SRCAP: variants seen among roughly 807,000 people sequenced by gnomAD.
SRCAP encodes the protein Snf2 related CREBBP activator protein.
SRCAP carries 46 observed loss-of-function variants against 263.1 expected under a neutral mutation model. The ratio of observed to expected loss-of-function variants is 0.17; its 90% CI spans 0.14 to 0.22. SRCAP has a LOEUF of 0.22. Ranked by LOEUF, SRCAP falls within the 10% of genes least tolerant of loss-of-function variation. The pLI is 1.00. For missense variants in SRCAP, 3,695 were observed against 4,181.9 expected, an observed-to-expected ratio of 0.88 and a Z score of 3.21; for synonymous variants, 1,813 against 1,662.1, an observed-to-expected ratio of 1.09 and a Z score of -2.21.
Position 30,739,871 on chromosome 16 carries a change from A to G in SRCAP, c.*138A>G, listed in dbSNP as rs1414474911. The G allele has an allele frequency of 3.8e-6, 5 of 1,318,582 alleles. No individual in the cohort carries two copies. Among genetic ancestry groups the G allele is most frequent in the Non-Finnish European group, 5.0e-6 (5 of 1,007,742 alleles). 81.7% of individuals were successfully genotyped at this position (1,318,582 alleles called of 1,614,324 possible). ...AGGGGCCTTCTCCCTTCTTCCCACC[A>G]AAGTAGGGGGTAGGCAACTGGTTGT... On this transcript the variant is annotated 3_prime_UTR_variant, in exon 34 of 34. Coordinates refer to ENST00000262518, the MANE Select transcript of SRCAP (RefSeq NM_006662.3).
In SRCAP at chr16:30,724,348, T is replaced by G; in HGVS notation, c.4924T>G (p.Leu1642Val). The G allele has an allele frequency of 6.2e-7, 1 of 1,614,174 alleles. No homozygotes were observed. Among genetic ancestry groups the G allele is most frequent in the East Asian group, 2.2e-5 (1 of 44,882 alleles). ...TCCATCGTCTACTCCAGGAACCTCT[T>G]TAGCCTCAGCTTCACCGGTACCAGC... Reference protein sequence around the residue: ...MAPSSTPGTSLASASPVPAPT... With the variant: ...MAPSSTPGTSVASASPVPAPT... Residue 1642 changes from leucine (L) to valine (V), a missense_variant, in exon 25 of 34, where the codon TTA becomes GTA. Physicochemically the swap from Leu to Val is conservative, Grantham distance 32. Coordinates refer to ENST00000262518, the MANE Select transcript of SRCAP (RefSeq NM_006662.3).
At chr16:30,725,346 G>A (rs1194300868) in intron 25 of SRCAP, 6 of 491,510 alleles carry the variant, frequency 1.2e-5, no homozygotes, top group Admixed American at 4.0e-5. Flanking sequence ...TAACCCGCAC[G>A]GTAATAAATG....
At chr16:30,728,826 A>T in intron 25 of SRCAP, 140 bp from the exon 26 acceptor site, 1 of 1,011,424 alleles carries the variant, frequency 9.9e-7, no homozygotes, top group Non-Finnish European at 1.4e-6. Context: ...TCTCATTGAT[A>T]ACTTGGAAAA....
At chr16:30,729,772 C>CT (rs986225872) in intron 27 of SRCAP, among the ~76,000 whole-genome samples, 200 bp downstream of exon 27, 1 of 151,604 alleles carries the variant, frequency 6.6e-6, no homozygotes, top group African/African-American at 2.4e-5. Flanking sequence ...TGACTTTCTT[C>CT]TTTTTTTTTA....
Position 30,740,224 on chromosome 16 carries a change from C to G in SRCAP, c.*491C>G, listed in dbSNP as rs548851878. 6.5e-6 allele frequency: 1 copy of G among 152,726 alleles called. No individual in the cohort carries two copies. Among genetic ancestry groups the G allele is most frequent in the South Asian group, 2.1e-4 (1 of 4,818 alleles). The allele number at this position is 152,726 out of a possible 1,614,324, so 9.5% of individuals were successfully genotyped here. A position where few individuals can be genotyped will look rare whatever the true frequency, so the allele number is the denominator to read the frequency against. On this transcript the variant is annotated 3_prime_UTR_variant, in exon 34 of 34. Transcript: ENST00000262518. ...TCCTCCCTCTTGTTCTTGCAAAGAT[C>G]CTAGCACCTGATCTCTAGCCCAGGA... is the stretch of plus-strand genomic sequence containing the variant.
intron 18 of SRCAP, among the ~76,000 whole-genome samples, chr16:30,717,234 T>C (rs1296622666): frequency 6.6e-6 from 1 of 152,208 alleles, no homozygotes; most frequent in Non-Finnish European, 1.5e-5. Context: ...TTTCATGTGC[T>C]CATTGGCCAC....
chr16:30,731,872 TG>T (rs1196807652), intron 27 of SRCAP, among the ~76,000 whole-genome samples: 2 of 151,688 alleles, frequency 1.3e-5, no homozygotes, highest in African/African-American at 4.9e-5. Context: ...AGGCTGGGCC[TG>T]GTGGCTCATG....
chr16:30,738,530 C>T lies in SRCAP; in HGVS notation c.8490C>T (p.His2830=), dbSNP rs761748197. The change falls in exon 34 of 34, where the codon CAC becomes CAT. Residue 2830 remains histidine (H), a synonymous_variant. Coordinates refer to ENST00000262518, the MANE Select transcript of SRCAP (RefSeq NM_006662.3). ...PPQQPFIARR[H]IELGVTGGGS... ...AGCAGCCCTTCATTGCTCGCCGTCA[C>T]ATTGAGCTGGGGGTGACTGGTGGTG... 6.2e-7 allele frequency: 1 copy of T among 1,612,340 alleles called. No individual in the cohort carries two copies.
intron 18 of SRCAP, among the ~76,000 whole-genome samples, chr16:30,718,818 T>C (rs185086587): frequency 1.2e-3 from 180 of 152,266 alleles, no homozygotes; most frequent in Non-Finnish European, 1.8e-3. Context: ...TTTTTTCTTT[T>C]GTTGGCTGTG....
intron 8 of SRCAP, 56 bp from the exon 9 acceptor site, chr16:30,710,698 C>T (rs2052879785): frequency 6.4e-7 from 1 of 1,570,146 alleles, no homozygotes; most frequent in Non-Finnish European, 8.8e-7. Context: ...AAGTTTGTGC[C>T]ATTCTTCTGC....
chr16:30,724,334 C>G lies in SRCAP; in HGVS notation c.4910C>G (p.Thr1637Ser). ...GTTCCAGTTATGGCTCCATCGTCTACTCCAGGAACCTCTTTAGCCTCAGCT... is the reference window on the plus strand; with the variant it reads ...GTTCCAGTTATGGCTCCATCGTCTAGTCCAGGAACCTCTTTAGCCTCAGCT... ...TPVPVMAPSS[T>S]PGTSLASASP... Residue 1637 changes from threonine to serine, a missense_variant, in exon 25 of 34, where the codon ACT becomes AGT. Thr to Ser is a moderately conservative substitution (Grantham distance 58, BLOSUM62 1). Coordinates refer to ENST00000262518, the MANE Select transcript of SRCAP (RefSeq NM_006662.3). 6.2e-7 allele frequency: 1 copy of G among 1,614,180 alleles called. No individual in the cohort carries two copies. The highest frequency in any genetic ancestry group is 8.5e-7 in the Non-Finnish European group (1 of 1,180,034).
At chr16:30,703,622 C>T (rs929412569) in intron 3 of SRCAP, among the ~76,000 whole-genome samples, 2 of 150,858 alleles carry the variant, frequency 1.3e-5, no homozygotes, top group African/African-American at 4.9e-5. Context: ...CAAGGCCGGG[C>T]GTGGTGGCTC....
intron 31 of SRCAP, among the ~76,000 whole-genome samples, chr16:30,735,183 G>T: frequency 8.4e-6 from 1 of 118,350 alleles, no homozygotes; most frequent in Non-Finnish European, 1.6e-5. Context: ...GTCTCGCTCT[G>T]TCGCCCAGGC....
intron 3 of SRCAP, among the ~76,000 whole-genome samples, chr16:30,702,896 T>C (rs904092973): frequency 1.3e-5 from 2 of 151,916 alleles, no homozygotes; most frequent in African/African-American, 4.8e-5. Context: ...CATTTCTTAA[T>C]GCTTTTGCAG....
At chr16:30,734,184 A>T in intron 30 of SRCAP, 176 bp downstream of exon 30, 1 of 657,672 alleles carries the variant, frequency 1.5e-6, no homozygotes, top group South Asian at 2.1e-5. Flanking sequence ...CTCTACTAAA[A>T]ATACAAAAAT....
In SRCAP at chr16:30,709,374, A is replaced by C. The variant is rs558469214; in HGVS notation, c.634-139A>C. 2.0e-4 allele frequency: 161 copies of C among 790,922 alleles called. 2 individuals are homozygous for C. In the South Asian group the frequency reaches 2.6e-3, roughly 13 times the overall value. 49.0% of individuals were successfully genotyped at this position (790,922 alleles called of 1,614,324 possible). ...TTTGTGCTTCCTTTAGACCATAGTG[A>C]GCCCCTAAGGTTATTTAGTTTTACT... On this transcript the variant is annotated intron_variant, in intron 6 of 33. Transcript: ENST00000262518.
chr16:30,739,926 T>C lies in SRCAP; in HGVS notation c.*193T>C. 1 of 873,272 alleles carries C rather than the reference T, an allele frequency of 1.1e-6. No individual in the cohort carries two copies. The highest frequency in any genetic ancestry group is 1.6e-6 in the Non-Finnish European group (1 of 621,778). The allele number at this position is 873,272 out of a possible 1,614,324, so 54.1% of individuals were successfully genotyped here. ...GAAATGGGGATCATCACAGTCCCCT[T>C]CCCCTTCACCCCACGTGGCTGGGCA... On this transcript the variant is annotated 3_prime_UTR_variant, in exon 34 of 34. Transcript: ENST00000262518.
rs1485729553 is a variant in SRCAP at position 30,738,587 on chromosome 16, C to G, written c.8547C>G (p.Leu2849=). ...GSPENGDGAL[L]AITPPAVKRR... ...CCGAGAATGGAGACGGAGCACTGCT[C>G]GCCATCACCCCACCTGCTGTGAAAC... The change falls in exon 34 of 34, where the codon CTC becomes CTG. Residue 2849 remains leucine, a synonymous_variant. Coordinates refer to ENST00000262518, the MANE Select transcript of SRCAP (RefSeq NM_006662.3). 2 of 1,605,180 alleles carry G rather than the reference C, an allele frequency of 1.2e-6. No homozygotes were observed. The highest frequency in any genetic ancestry group is 1.7e-5 in the Admixed American group (1 of 58,500).
At chr16:30,736,144 AG>A in intron 31 of SRCAP, 55 bp from the exon 32 acceptor site, 14 of 1,599,820 alleles carry the variant, frequency 8.8e-6, no homozygotes, top group Non-Finnish European at 1.1e-5. Context: ...ATCAAATCAC[AG>A]GATGTAAAGT....
Sources: allele counts gnomAD v4.1 joint callset (sites outside exome capture counted in the v4.1 genomes callset), GRCh38; gene constraint gnomAD v4.1.1; transcripts MANE v1.5; gene names NCBI Gene and HGNC (gene_info 2026-07-23, HGNC 2026-07-21).